The following LRFN5 variants were observed in gnomAD, a reference collection of about 807,000 sequenced individuals.
LRFN5 encodes leucine rich repeat and fibronectin type III domain containing 5.
A neutral mutation model predicts 45.6 loss-of-function variants in LRFN5; 24 were observed. The observed-to-expected ratio is 0.53, with a 90% CI of 0.38 to 0.74. LRFN5 has a LOEUF of 0.74. LRFN5 is among the 30% of genes least tolerant of loss of function. The pLI, the probability that LRFN5 is intolerant of heterozygous loss-of-function variation, is 0.00. For synonymous variants in LRFN5, 340 were observed against 313.8 expected, an observed-to-expected ratio of 1.08 and a Z score of -0.88; for missense variants, 776 against 861.5, an observed-to-expected ratio of 0.90 and a Z score of 1.24.
chr14:41,863,622 T>G (rs1265671724), intron 2 of LRFN5, among the ~76,000 whole-genome samples: 1 of 152,232 alleles, frequency 6.6e-6, no homozygotes, highest in Non-Finnish European at 1.5e-5. Flanking sequence ...CACTGCAGTA[T>G]AAATTATTCT....
At chr14:41,744,786 A>G (rs61992399) in intron 1 of LRFN5, among the ~76,000 whole-genome samples, 25,238 of 152,166 alleles carry the variant, frequency 0.17, 2,199 homozygotes, top group Admixed American at 0.19. Flanking sequence ...TATAAAGCTT[A>G]CAAGAGACAA....
intron 1 of LRFN5, among the ~76,000 whole-genome samples, chr14:41,734,552 A>G (rs991518192): frequency 5.3e-5 from 8 of 150,436 alleles, no homozygotes; most frequent in Admixed American, 4.7e-4. Flanking sequence ...GTGTGTGCAG[A>G]GAGGTGAAGT....
chr14:41,623,041 T>A (rs1195196282), intron 1 of LRFN5, among the ~76,000 whole-genome samples: 1 of 152,138 alleles, frequency 6.6e-6, no homozygotes, highest in Admixed American at 6.6e-5. Flanking sequence ...TAACAAACCT[T>A]TGAGCTGGTG....
intron 2 of LRFN5, among the ~76,000 whole-genome samples, chr14:41,813,455 T>C (rs1887807283): frequency 6.6e-6 from 1 of 152,198 alleles, no homozygotes; most frequent in South Asian, 2.1e-4. Context: ...TTTAGTTTTC[T>C]GTTCCTGTGT....
At chr14:41,643,449 C>G (rs1879672187) in intron 1 of LRFN5, among the ~76,000 whole-genome samples, 1 of 151,800 alleles carries the variant, frequency 6.6e-6, no homozygotes, top group Non-Finnish European at 1.5e-5. Flanking sequence ...GAAATAAATC[C>G]CCTTTCCCCC....
At chr14:41,901,620 G>A (rs932425679) in intron 5 of LRFN5, among the ~76,000 whole-genome samples, 1 of 151,990 alleles carries the variant, frequency 6.6e-6, no homozygotes, top group Non-Finnish European at 1.5e-5. Context: ...TGTTACAGAT[G>A]AGTACAATTT....
At position 41,887,803 on chromosome 14, in the gene LRFN5, G is replaced by A; in HGVS notation, c.1178G>A (p.Gly393Asp). ...AACCATATCCATGAGCCTGATCCTG[G>A]TTCTTCAGATATCTCAACTTCTACC... is the stretch of plus-strand genomic sequence containing the variant. Reference protein sequence around the residue: ...STNHIHEPDPGSSDISTSTKS... With the variant: ...STNHIHEPDPDSSDISTSTKS... Residue 393 changes from glycine to aspartate, a missense_variant, in exon 3 of 6, where the codon GGT becomes GAT. Coordinates refer to ENST00000298119, the MANE Select transcript of LRFN5 (RefSeq NM_152447.5). The surrounding 1 kb of genome is among the most constrained non-coding windows in gnomAD (Gnocchi z 4.8). 1 of 1,613,916 alleles carries A rather than the reference G, an allele frequency of 6.2e-7. No homozygotes were observed. The highest frequency in any genetic ancestry group is 8.5e-7 in the Non-Finnish European group (1 of 1,179,962).
chr14:41,724,766 T>G (rs1883860341), intron 1 of LRFN5, among the ~76,000 whole-genome samples: 1 of 152,202 alleles, frequency 6.6e-6, no homozygotes, highest in African/African-American at 2.4e-5. Context: ...TGTTTACATC[T>G]TTATACCTCA....
chr14:41,827,549 T>A (rs997064927), intron 2 of LRFN5, among the ~76,000 whole-genome samples: 2 of 151,950 alleles, frequency 1.3e-5, no homozygotes, highest in Non-Finnish European at 2.9e-5. Flanking sequence ...GAAAATTTTT[T>A]AAAAATGAAA....
chr14:41,885,396 A>T (rs1389422282), intron 2 of LRFN5, among the ~76,000 whole-genome samples: 1 of 152,026 alleles, frequency 6.6e-6, no homozygotes, highest in African/African-American at 2.4e-5. Flanking sequence ...AATCAAATAT[A>T]TGCTATTATT....
At chr14:41,828,251 G>A (rs1021103459) in intron 2 of LRFN5, among the ~76,000 whole-genome samples, 1 of 151,970 alleles carries the variant, frequency 6.6e-6, no homozygotes. Context: ...AGTTATTGCT[G>A]TTATTATAGG....
intron 1 of LRFN5, among the ~76,000 whole-genome samples, chr14:41,694,148 T>C (rs1026023194): frequency 6.6e-6 from 1 of 152,056 alleles, no homozygotes; most frequent in African/African-American, 2.4e-5. Context: ...ATAAAAGCTA[T>C]GAACATATAC....
chr14:41,818,550 A>T (rs1430843324), intron 2 of LRFN5, among the ~76,000 whole-genome samples: 1 of 151,844 alleles, frequency 6.6e-6, no homozygotes, highest in African/African-American at 2.4e-5. Flanking sequence ...CTTCCCTTCA[A>T]GTGATATATG....
intron 2 of LRFN5, among the ~76,000 whole-genome samples, chr14:41,774,612 G>T (rs1886210642): frequency 6.6e-6 from 1 of 152,152 alleles, no homozygotes; most frequent in Non-Finnish European, 1.5e-5. Context: ...AAAAACATCA[G>T]GAATTTGATA....
chr14:41,898,277 G>A (rs1891002829), intron 4 of LRFN5, among the ~76,000 whole-genome samples: 1 of 152,026 alleles, frequency 6.6e-6, no homozygotes, highest in Non-Finnish European at 1.5e-5. Context: ...TAGAATGTGT[G>A]CTGCACAGGT....
At chr14:41,893,067 A>G in intron 4 of LRFN5, 1 of 963,368 alleles carries the variant, frequency 1.0e-6, no homozygotes. Context: ...CAGATAGTGG[A>G]TTTTTTTTTT....
intron 4 of LRFN5, chr14:41,893,406 A>C: frequency 4.1e-6 from 4 of 985,190 alleles, no homozygotes; most frequent in Non-Finnish European, 4.8e-6. Context: ...TTTTGTTTTG[A>C]GAATAAGGCT....
chr14:41,858,367 C>T (rs1889545451), intron 2 of LRFN5, among the ~76,000 whole-genome samples: 1 of 152,140 alleles, frequency 6.6e-6, no homozygotes, highest in Non-Finnish European at 1.5e-5. Context: ...CACGCATTCT[C>T]TCAAATGCCT....
intron 1 of LRFN5, among the ~76,000 whole-genome samples, chr14:41,712,540 A>C (rs187406979): frequency 6.6e-6 from 1 of 152,328 alleles, no homozygotes; most frequent in East Asian, 1.9e-4. Context: ...TTGTTATATA[A>C]CTTGGCAATT....
Sources: gnomAD v4.1 joint callset for allele counts (sites outside exome capture counted in the v4.1 genomes callset) on GRCh38, gnomAD v4.1.1 for gene constraint, Gnocchi (gnomAD v3.1) non-coding constraint, MANE v1.5 for transcripts, NCBI Gene and HGNC (gene_info 2026-07-23, HGNC 2026-07-21) for gene names.